The following UBR4 variants were observed in gnomAD, a reference collection of about 807,000 sequenced individuals.
UBR4 encodes the protein ubiquitin protein ligase E3 component n-recognin 4.
UBR4 carries 124 observed loss-of-function variants against 575.6 expected under a neutral mutation model. The observed-to-expected ratio is 0.22, with a 90% CI of 0.19 to 0.25. The LOEUF is 0.25. Ranked by LOEUF, UBR4 falls within the 10% of genes least tolerant of loss-of-function variation. The pLI is 1.00. For missense variants in UBR4, 4,818 were observed against 6,478.8 expected (o/e 0.74, Z 8.80); for synonymous variants, 2,455 against 2,473.7 (o/e 0.99, Z 0.22).
In UBR4 at chr1:19,077,922, G is replaced by A. The variant is rs370898250; in HGVS notation, c.15324+54C>T. ...CTGAGGCAGAGTCAGGGACAGGAGT[G>A]CAGACATTTTACACTCTTGCCAAAA... On this transcript the variant is annotated intron_variant, in intron 104 of 105. Transcript: ENST00000375254. The A allele has an allele frequency of 4.7e-5, 76 of 1,612,236 alleles. No homozygotes were observed. In the African/African-American group the frequency reaches 9.2e-4, roughly 20 times the overall value.
chr1:19,131,037 T>C (rs1014767159), intron 60 of UBR4, among the ~76,000 whole-genome samples: 3 of 151,808 alleles, frequency 2.0e-5, no homozygotes, highest in African/African-American at 7.3e-5. Flanking sequence ...GCCTCCTGAG[T>C]AGCTGGTACC....
intron 97 of UBR4, among the ~76,000 whole-genome samples, chr1:19,090,047 CAT>C (rs1239795388): frequency 6.6e-6 from 1 of 152,206 alleles, no homozygotes; most frequent in Non-Finnish European, 1.5e-5. Context: ...ACATTCATAG[CAT>C]AGTCTAATGA....
intron 60 of UBR4, among the ~76,000 whole-genome samples, chr1:19,132,623 A>AAAAAAAGT (rs1318784237): frequency 6.7e-6 from 1 of 148,638 alleles, no homozygotes; most frequent in African/African-American, 2.5e-5. Flanking sequence ...AAAAAAAAAA[A>AAAAAAAGT]AAGTAAGTAA....
intron 27 of UBR4, 75 bp from the exon 28 acceptor site, chr1:19,168,259 T>G (rs891781395): frequency 2.2e-6 from 3 of 1,376,634 alleles, no homozygotes; most frequent in Admixed American, 2.4e-5. Flanking sequence ...AAAAAAAAAC[T>G]GACATAAACT....
chr1:19,204,533 A>ATATATATATATAT (rs200363179), intron 1 of UBR4, among the ~76,000 whole-genome samples: 3 of 150,662 alleles, frequency 2.0e-5, no homozygotes, highest in Non-Finnish European at 3.0e-5. Context: ...TATATAAAAA[A>ATATATATATATAT]AAATATATAT....
chr1:19,155,169 G>C, intron 43 of UBR4, 94 bp from the exon 44 acceptor site: 1 of 1,527,696 alleles, frequency 6.5e-7, no homozygotes, highest in Non-Finnish European at 9.0e-7. Context: ...TCATGATCAG[G>C]TGCTCTCATA....
At position 19,112,538 on chromosome 1, in the gene UBR4, C is replaced by T. The variant is rs1221630314; in HGVS notation, c.11787G>A (p.Met3929Ile). Reference sequence around the variant, plus strand: ...TAGGTACTGACCGAGTTAGGAGGCACATGAGCTGGCGGACCTCCTCCCGCA... The same window carrying T: ...TAGGTACTGACCGAGTTAGGAGGCATATGAGCTGGCGGACCTCCTCCCGCA... The part of the protein sequence containing the change: ...AAMREEVRQL[M>I]CLLTRDNPEA... The change falls in exon 78 of 106, where the codon ATG becomes ATA. Residue 3929 changes from methionine to isoleucine, a missense_variant. By Grantham distance (10) the Met-to-Ile change is conservative. Around this residue, in one of 29 missense-constraint regions of UBR4, gnomAD observed 333 missense variants for 459.2 expected, o/e 0.73. Coordinates refer to ENST00000375254, the MANE Select transcript of UBR4 (RefSeq NM_020765.3). 4 of 1,611,122 alleles carry T rather than the reference C, an allele frequency of 2.5e-6. No homozygotes were observed. The African/African-American group carries it at 5.3e-5, about 22-fold the overall frequency.
At position 19,160,280 on chromosome 1, in the gene UBR4, G is replaced by A; in HGVS notation, c.5408C>T (p.Ala1803Val). ...CACGAGAGGAGCGAAGGAGAAATTG[G>A]CCTGAGAAAAATAGAAAAAATACAC... is the stretch of plus-strand genomic sequence containing the variant. ...EGCREELQNQ[A>V]NFSFAPLVLD... Residue 1803 changes from alanine to valine, a missense_variant and splice_region_variant, in exon 39 of 106, where the codon GCC (alanine) becomes GTC (valine). Around this residue, in one of 29 missense-constraint regions of UBR4, gnomAD observed 159 missense variants for 174.6 expected, o/e 0.91. Coordinates refer to ENST00000375254, the MANE Select transcript of UBR4 (RefSeq NM_020765.3). 1.9e-6 allele frequency: 3 copies of A among 1,593,422 alleles called. No individual in the cohort carries two copies. Among genetic ancestry groups the A allele is most frequent in the Non-Finnish European group, 2.6e-6 (3 of 1,170,574 alleles).
intron 84 of UBR4, 39 bp from the exon 85 acceptor site, chr1:19,105,228 C>G: frequency 6.3e-7 from 1 of 1,592,528 alleles, no homozygotes; most frequent in Non-Finnish European, 8.5e-7. Flanking sequence ...GTCAAGAACT[C>G]TAGCATTTCG....
chr1:19,092,659 C>G, intron 97 of UBR4, 160 bp downstream of exon 97: 1 of 551,512 alleles, frequency 1.8e-6, no homozygotes, highest in South Asian at 3.6e-5. Flanking sequence ...ATCACAAATA[C>G]AACTTACTTC....
chr1:19,097,328 A>C, intron 90 of UBR4, 48 bp from the exon 91 acceptor site: 2 of 1,552,912 alleles, frequency 1.3e-6, no homozygotes, highest in Non-Finnish European at 1.8e-6. Context: ...GGCCCAGACA[A>C]ATGCAAAGGA....
chr1:19,141,852 G>C, intron 55 of UBR4, 75 bp from the exon 56 acceptor site: 1 of 1,577,078 alleles, frequency 6.3e-7, no homozygotes, highest in South Asian at 1.2e-5. Context: ...AAGTCAGGTG[G>C]CAACAAAAAC....
In UBR4 at chr1:19,139,213, G is replaced by T. The variant is rs201461036; in HGVS notation, c.8601C>A (p.Ala2867=). Residue 2867 remains alanine (A), a synonymous_variant, in exon 59 of 106, where the codon GCC becomes GCA. Coordinates refer to ENST00000375254, the MANE Select transcript of UBR4 (RefSeq NM_020765.3). This position sits in a 1 kb window ranked among gnomAD's most constrained non-coding sequence, Gnocchi z 4.2. ...TLSDTTASAP[A]SDDEGSTAAT... is the part of the protein sequence containing the mutation. Reference sequence around the variant, plus strand: ...CTGCTGTACTGCCCTCGTCGTCTGAGGCTGGAGCTGAGAGAGTAACGAGAG... The same window carrying T: ...CTGCTGTACTGCCCTCGTCGTCTGATGCTGGAGCTGAGAGAGTAACGAGAG... 1.9e-5 allele frequency: 30 copies of T among 1,608,994 alleles called. No individual in the cohort carries two copies. The highest frequency in any genetic ancestry group is 3.4e-6 in the Non-Finnish European group (4 of 1,176,938).
rs945355536 is a variant in UBR4, at chr1:19,157,038, C to T, written c.5761-113G>A. On this transcript the variant is annotated intron_variant, in intron 40 of 105. Transcript: ENST00000375254. The surrounding 1 kb of genome is among the most constrained non-coding windows in gnomAD (Gnocchi z 4.4). ...AACAGGTTGCACACTTTTTTCTTTA[C>T]AGATAAGTCTAGTAGAAAATCCTAG... The T allele has an allele frequency of 7.3e-6, 9 of 1,239,440 alleles. No homozygotes were observed. The African/African-American group carries it at 9.2e-5, about 13-fold the overall frequency. The allele number at this position is 1,239,440 out of a possible 1,614,324, so 76.8% of individuals were successfully genotyped here.
At chr1:19,113,281 T>C (rs749055354) in intron 77 of UBR4, 9 of 260,758 alleles carry the variant, frequency 3.5e-5, no homozygotes, top group African/African-American at 6.7e-5. Flanking sequence ...GTCTGTGACA[T>C]TGCAACTGAC....
chr1:19,171,162 T>C (rs1427436728), intron 25 of UBR4, among the ~76,000 whole-genome samples: 1 of 152,122 alleles, frequency 6.6e-6, no homozygotes, highest in East Asian at 1.9e-4. Context: ...CCTCAGAAGA[T>C]TGACAATGTA....
At chr1:19,198,236 T>A (rs569873498) in intron 5 of UBR4, among the ~76,000 whole-genome samples, 187 bp from the exon 6 acceptor site, 3 of 152,284 alleles carry the variant, frequency 2.0e-5, no homozygotes, top group African/African-American at 7.2e-5. Flanking sequence ...AGCTTTAAAA[T>A]ATATATATGT....
intron 44 of UBR4, among the ~76,000 whole-genome samples, chr1:19,154,510 GCCC>G (rs1326539585): frequency 6.6e-6 from 1 of 151,862 alleles, no homozygotes; most frequent in African/African-American, 2.4e-5. Flanking sequence ...ATCCAACCAT[GCCC>G]CCATTACTGA....
intron 86 of UBR4, 80 bp from the exon 87 acceptor site, chr1:19,104,337 A>G (rs2078962050): frequency 2.6e-6 from 4 of 1,535,924 alleles, no homozygotes; most frequent in Non-Finnish European, 3.5e-6. Flanking sequence ...GATTATGAGC[A>G]ACTCAAAAAG....
Sources: gnomAD v4.1 joint callset for allele counts (sites outside exome capture counted in the v4.1 genomes callset) on GRCh38, gnomAD v4.1.1 for gene constraint, gnomAD v4.1.1 regional missense constraint, Gnocchi (gnomAD v3.1) non-coding constraint, MANE v1.5 for transcripts, NCBI Gene and HGNC (gene_info 2026-07-23, HGNC 2026-07-21) for gene names.